The following FBXL17 variants were observed in gnomAD, a reference collection of about 807,000 sequenced individuals.
The protein encoded by FBXL17 is F-box and leucine rich repeat protein 17.
FBXL17 carries 22 observed loss-of-function variants against 66.2 expected under a neutral mutation model. The observed-to-expected ratio is 0.33, with a 90% CI of 0.24 to 0.47. FBXL17 has a LOEUF of 0.47. FBXL17 is among the 20% of genes least tolerant of loss of function. The pLI is 1.00. For missense variants in FBXL17, 878 were observed against 948.2 expected (o/e 0.93, Z 0.97); for synonymous variants, 474 against 400.5 (o/e 1.18, Z -2.19).
intron 6 of FBXL17, among the ~76,000 whole-genome samples, chr5:108,088,665 C>T (rs1283740834): frequency 4.0e-5 from 5 of 124,714 alleles, no homozygotes; most frequent in East Asian, 5.3e-4. Context: ...TGTGCCACTG[C>T]ACTCCAGCCT....
chr5:108,132,278 A>C (rs1326585165), intron 6 of FBXL17, among the ~76,000 whole-genome samples: 2 of 152,178 alleles, frequency 1.3e-5, no homozygotes, highest in African/African-American at 4.8e-5. Flanking sequence ...GCCCAGCCTG[A>C]AAGTCCTTTT....
At chr5:108,299,456 A>G (rs1758490432) in intron 4 of FBXL17, 1 of 939,836 alleles carries the variant, frequency 1.1e-6, no homozygotes, top group South Asian at 4.9e-5. Context: ...TTATAGATAT[A>G]GAAAAGTACT....
intron 4 of FBXL17, among the ~76,000 whole-genome samples, chr5:108,288,571 G>A (rs952233312): frequency 1.3e-5 from 2 of 151,920 alleles, no homozygotes; most frequent in African/African-American, 4.8e-5. Context: ...ACACAGTAAT[G>A]ATAGTGTTAT....
At chr5:108,237,572 C>A (rs1755662446) in intron 4 of FBXL17, among the ~76,000 whole-genome samples, 2 of 152,138 alleles carry the variant, frequency 1.3e-5, no homozygotes, top group Non-Finnish European at 1.5e-5. Context: ...ACTTTAATAT[C>A]CCCTTGAGTT....
intron 4 of FBXL17, among the ~76,000 whole-genome samples, chr5:108,259,950 A>C (rs1004757789): frequency 6.6e-6 from 1 of 151,958 alleles, no homozygotes; most frequent in Non-Finnish European, 1.5e-5. Flanking sequence ...AACTCTGTCC[A>C]CTACTGGCTT....
chr5:108,205,602 T>A (rs1002797921), intron 5 of FBXL17, among the ~76,000 whole-genome samples: 3 of 152,158 alleles, frequency 2.0e-5, no homozygotes, highest in Non-Finnish European at 4.4e-5. Context: ...AGAAACTGGG[T>A]CATTTGCGTT....
chr5:107,862,371 A>G (rs1748148870), intron 8 of FBXL17, among the ~76,000 whole-genome samples: 1 of 152,048 alleles, frequency 6.6e-6, no homozygotes, highest in South Asian at 2.1e-4. Flanking sequence ...AAGGGCTGAA[A>G]TGTGAGGAAT....
At chr5:108,236,142 C>G (rs1755591468) in intron 4 of FBXL17, among the ~76,000 whole-genome samples, 1 of 152,026 alleles carries the variant, frequency 6.6e-6, no homozygotes, top group Middle Eastern at 3.4e-3. Context: ...GCCCAGAGGT[C>G]GAGGCTGCAG....
At chr5:107,916,896 C>G (rs189483057) in intron 7 of FBXL17, among the ~76,000 whole-genome samples, 3 of 152,104 alleles carry the variant, frequency 2.0e-5, no homozygotes, top group Non-Finnish European at 4.4e-5. Context: ...AAGTAGAAAC[C>G]GTTTTCTTAG....
rs182868325 is a variant in FBXL17, at chr5:108,306,443, T to C, written c.1506+41956A>G. Among the ~76,000 whole-genome samples the C allele has an allele frequency of 2.4e-3, 365 of 152,244 alleles. 1 individual carries two copies. The highest frequency in any genetic ancestry group is 0.017 in the Middle Eastern group (5 of 294). Reference sequence around the variant, plus strand: ...TTTTGATGCCATACTACCCGGTTTCTAACCTTGTACCTGAAATATACTAGC... The same window carrying C: ...TTTTGATGCCATACTACCCGGTTTCCAACCTTGTACCTGAAATATACTAGC... On this transcript the variant is annotated intron_variant, in intron 4 of 8. Transcript: ENST00000542267.
chr5:108,296,008 G>A (rs1483188858), intron 4 of FBXL17, among the ~76,000 whole-genome samples: 1 of 151,006 alleles, frequency 6.6e-6, no homozygotes, highest in Middle Eastern at 3.2e-3. Flanking sequence ...AGAATAGGGT[G>A]GAACAGGGAA....
At chr5:108,237,187 A>G (rs1359693825) in intron 4 of FBXL17, among the ~76,000 whole-genome samples, 1 of 152,190 alleles carries the variant, frequency 6.6e-6, no homozygotes. Flanking sequence ...TATTTCACTT[A>G]GGTATACTCA....
intron 6 of FBXL17, among the ~76,000 whole-genome samples, chr5:108,091,221 T>C (rs879450190): frequency 3.9e-5 from 6 of 152,250 alleles, no homozygotes; most frequent in Admixed American, 2.6e-4. Context: ...GCTAATGACA[T>C]GTTGCCATGG....
chr5:107,915,473 T>C (rs944293397), intron 7 of FBXL17, among the ~76,000 whole-genome samples: 5 of 152,210 alleles, frequency 3.3e-5, no homozygotes, highest in Non-Finnish European at 7.3e-5. Flanking sequence ...TGGTTTATTC[T>C]TTATATGTGA....
chr5:108,168,638 A>G (rs1580545767), intron 6 of FBXL17, among the ~76,000 whole-genome samples: 1 of 152,188 alleles, frequency 6.6e-6, no homozygotes, highest in Non-Finnish European at 1.5e-5. Context: ...CCCAACACCT[A>G]GCTGAAGTGA....
intron 4 of FBXL17, among the ~76,000 whole-genome samples, chr5:108,340,740 G>C (rs998032637): frequency 6.6e-6 from 1 of 152,110 alleles, no homozygotes; most frequent in African/African-American, 2.4e-5. Flanking sequence ...AATATTTGAA[G>C]TGATACATTT....
intron 1 of FBXL17, among the ~76,000 whole-genome samples, chr5:108,377,209 C>G (rs1749499904): frequency 1.3e-5 from 2 of 152,192 alleles, no homozygotes; most frequent in Admixed American, 1.3e-4. Context: ...CCCTTGCTCT[C>G]AGTTAGACAA....
chr5:108,359,794 T>C (rs981392303), intron 3 of FBXL17, among the ~76,000 whole-genome samples: 2 of 152,258 alleles, frequency 1.3e-5, no homozygotes, highest in African/African-American at 2.4e-5. Context: ...ACTGTACATA[T>C]CTGCTAGGTG....
chr5:108,328,504 T>C (rs1003837713), intron 4 of FBXL17, among the ~76,000 whole-genome samples: 11 of 151,576 alleles, frequency 7.3e-5, no homozygotes, highest in Non-Finnish European at 1.6e-4. Flanking sequence ...TGGGAAAAAA[T>C]GAAAAGAGCC....
Sources: allele counts gnomAD v4.1 joint callset (sites outside exome capture counted in the v4.1 genomes callset), GRCh38; gene constraint gnomAD v4.1.1; transcripts MANE v1.5; gene names NCBI Gene and HGNC (gene_info 2026-07-23, HGNC 2026-07-21).